IL22RA2: variants seen among roughly 807,000 people sequenced by gnomAD.
IL22RA2 encodes interleukin 22 receptor subunit alpha 2, also known as interleukin-22 receptor subunit alpha-2.
A neutral mutation model predicts 30.7 loss-of-function variants in IL22RA2; 39 were observed. The observed-to-expected ratio is 1.27, with a 90% CI of 0.98 to 1.66. IL22RA2 has a LOEUF of 1.66. Among genes scored for constraint, IL22RA2 ranks in the 40% most tolerant of loss-of-function variants. The pLI, the probability that IL22RA2 is intolerant of heterozygous loss-of-function variation, is 0.00. For missense variants in IL22RA2, 315 were observed against 312.7 expected, an observed-to-expected ratio of 1.01 and a Z score of -0.05; for synonymous variants, 103 against 105.0, an observed-to-expected ratio of 0.98 and a Z score of 0.11.
At position 137,156,937 on chromosome 6, in the gene IL22RA2, T is replaced by A. The variant is rs180706843; in HGVS notation, c.198-83A>T. 2,297 of 1,545,902 alleles carry A rather than the reference T, an allele frequency of 1.5e-3. 42 individuals carry two copies. In the South Asian group the frequency reaches 0.02, roughly 13 times the overall value. On this transcript the variant is annotated intron_variant, in intron 3 of 6. Transcript: ENST00000296980. ...CCTGGCTTTACAACAACCACTCTCA[T>A]AGAAACATTTCCATGACAAATTCAG...
At chr6:137,171,461 A>G (rs1186073558) in intron 1 of IL22RA2, among the ~76,000 whole-genome samples, 1 of 152,208 alleles carries the variant, frequency 6.6e-6, no homozygotes, top group East Asian at 1.9e-4. Flanking sequence ...TGAAAGTGCT[A>G]AAAGGAGAGG....
intron 4 of IL22RA2, among the ~76,000 whole-genome samples, chr6:137,155,993 A>G (rs1778398033): frequency 1.3e-5 from 2 of 152,082 alleles, no homozygotes; most frequent in Non-Finnish European, 2.9e-5. Context: ...ACCACTTTTC[A>G]TCTCAGGTGT....
chr6:137,156,831 C>A lies in IL22RA2; in HGVS notation c.221G>T (p.Ser74Ile). 1.2e-6 allele frequency: 2 copies of A among 1,613,664 alleles called. No individual in the cohort carries two copies. The highest frequency in any genetic ancestry group is 1.7e-6 in the Non-Finnish European group (2 of 1,179,634). ...YKIMFSCSMKSSHQKPSGCWQ... is the reference protein window; with the variant it reads ...YKIMFSCSMKISHQKPSGCWQ... ...GCATCCACTTGGCTTCTGGTGAGAG[C>A]TTTTCATGCTGCATGAGAACATGCT... Residue 74 changes from serine to isoleucine, a missense_variant, in exon 4 of 7, where the codon AGC (serine) becomes ATC (isoleucine). By Grantham distance (142) the Ser-to-Ile change is moderately radical. Transcript: ENST00000296980.
chr6:137,157,808 T>G (rs1048405437), intron 3 of IL22RA2, among the ~76,000 whole-genome samples: 1 of 152,092 alleles, frequency 6.6e-6, no homozygotes, highest in African/African-American at 2.4e-5. Context: ...AGGAGTAGCC[T>G]GAGGATCACA....
chr6:137,147,126 G>A (rs182721647), intron 6 of IL22RA2, among the ~76,000 whole-genome samples: 123 of 146,344 alleles, frequency 8.4e-4, no homozygotes, highest in African/African-American at 3.0e-3. Flanking sequence ...AAGGCTGGAG[G>A]ATTGGTTGAG....
Position 137,144,747 on chromosome 6 carries a change from A to C in IL22RA2, c.*877T>G, listed in dbSNP as rs577145891. The stretch of plus-strand genomic sequence containing the variant: ...CATGGGATCCTCCTATATAGAGATG[A>C]GGAAGGCGCCACAAGCAAGACACTC... On this transcript the variant is annotated 3_prime_UTR_variant, in exon 7 of 7. Transcript: ENST00000296980. 1 of 152,366 alleles carries C rather than the reference A, an allele frequency of 6.6e-6. No individual in the cohort carries two copies. Among genetic ancestry groups the C allele is most frequent in the South Asian group, 2.1e-4 (1 of 4,832 alleles). 9.4% of individuals were successfully genotyped at this position (152,366 alleles called of 1,614,324 possible). A position where few individuals can be genotyped will look rare whatever the true frequency, so the allele number is the denominator to read the frequency against.
chr6:137,160,046 G>C (rs190818831), intron 2 of IL22RA2, among the ~76,000 whole-genome samples: 1 of 152,274 alleles, frequency 6.6e-6, no homozygotes, highest in African/African-American at 2.4e-5. Flanking sequence ...TGTGTTCTTG[G>C]AAAGAGTCTA....
Position 137,173,407 on chromosome 6 carries a change from A to G in IL22RA2, c.-66+6T>C, listed in dbSNP as rs1417118832. 3 of 152,260 alleles carry G rather than the reference A, an allele frequency of 2.0e-5. No individual in the cohort carries two copies. Among genetic ancestry groups the G allele is most frequent in the Non-Finnish European group, 4.4e-5 (3 of 68,044 alleles). The allele number at this position is 152,260 out of a possible 1,614,324, so 9.4% of individuals were successfully genotyped here. On this transcript the variant is annotated splice_donor_region_variant and intron_variant, in intron 1 of 6. Coordinates refer to ENST00000296980, the MANE Select transcript of IL22RA2 (RefSeq NM_052962.3). ...ATAAATAAATAAATAAATAAAGTTT[A>G]CTTACCAGATGCTGTCTTCCTTTTG...
At chr6:137,154,916 G>A (rs779179447) in intron 5 of IL22RA2, 25 bp downstream of exon 5, 2 of 1,610,712 alleles carry the variant, frequency 1.2e-6, no homozygotes, top group Non-Finnish European at 8.5e-7. Context: ...GAAGAACAAG[G>A]GCAAAGAAAC....
chr6:137,157,461 A>T (rs1778429117), intron 3 of IL22RA2, among the ~76,000 whole-genome samples: 1 of 150,906 alleles, frequency 6.6e-6, no homozygotes, highest in Admixed American at 6.6e-5. Context: ...AAAGATGGAG[A>T]TGCTTCTGGG....
chr6:137,154,875 G>GC, intron 5 of IL22RA2, 66 bp downstream of exon 5: 1 of 1,385,804 alleles, frequency 7.2e-7, no homozygotes, highest in Non-Finnish European at 1.0e-6. Flanking sequence ...CTAGTCACTA[G>GC]CCGTGCTCCG....
intron 4 of IL22RA2, 148 bp from the exon 5 acceptor site, chr6:137,155,267 T>C (rs1287661839): frequency 2.0e-5 from 11 of 550,516 alleles, no homozygotes; most frequent in Non-Finnish European, 3.4e-5. Context: ...TTTAAAAAAA[T>C]TCCTTCTTAT....
In IL22RA2 at chr6:137,161,626, C is replaced by T. The variant is rs529849250; in HGVS notation, c.61+63G>A. The T allele has an allele frequency of 1.4e-5, 19 of 1,394,632 alleles. No homozygotes were observed. The African/African-American group carries it at 2.0e-4, about 15-fold the overall frequency. The allele number at this position is 1,394,632 out of a possible 1,614,324, so 86.4% of individuals were successfully genotyped here. A position where few individuals can be genotyped will look rare whatever the true frequency, so the allele number is the denominator to read the frequency against. On this transcript the variant is annotated intron_variant, in intron 2 of 6. Coordinates refer to ENST00000296980, the MANE Select transcript of IL22RA2 (RefSeq NM_052962.3). ...AAAAAAGCACCAGTGCCATTTCCAA[C>T]AGATCCTTGATTGGACTCAGATGAC... is the stretch of plus-strand genomic sequence containing the variant.
chr6:137,159,359 C>T (rs903758104), intron 2 of IL22RA2, among the ~76,000 whole-genome samples: 20 of 151,842 alleles, frequency 1.3e-4, no homozygotes, highest in South Asian at 1.0e-3. Flanking sequence ...TCACTCTTGT[C>T]GCCCTGGCTG....
chr6:137,147,531 G>T (rs1040781039), intron 6 of IL22RA2, among the ~76,000 whole-genome samples, 191 bp downstream of exon 6: 3 of 151,902 alleles, frequency 2.0e-5, no homozygotes, highest in Non-Finnish European at 4.4e-5. Context: ...GGATGGAAAG[G>T]GCACACACAC....
intron 2 of IL22RA2, among the ~76,000 whole-genome samples, chr6:137,159,424 G>A (rs545175746): frequency 1.1e-4 from 17 of 152,092 alleles, no homozygotes; most frequent in African/African-American, 2.9e-4. Flanking sequence ...GGATTCAAGC[G>A]ATTCTCCTGC....
intron 5 of IL22RA2, among the ~76,000 whole-genome samples, chr6:137,154,402 G>A (rs1287248488): frequency 6.6e-6 from 1 of 152,144 alleles, no homozygotes; most frequent in Non-Finnish European, 1.5e-5. Context: ...ATCACCTGAG[G>A]TCAGGAGTTT....
chr6:137,159,545 A>T (rs1306514314), intron 2 of IL22RA2, among the ~76,000 whole-genome samples: 1 of 151,900 alleles, frequency 6.6e-6, no homozygotes, highest in African/African-American at 2.4e-5. Flanking sequence ...CTGGTCTCGA[A>T]CTCCTGACCT....
chr6:137,173,374 T>C (rs1778782149), intron 1 of IL22RA2, 39 bp downstream of exon 1: 1 of 152,154 alleles, frequency 6.6e-6, no homozygotes, highest in African/African-American at 2.4e-5. Context: ...AGAGTCCATC[T>C]CAAAAAAATA....
Sources: allele counts gnomAD v4.1 joint callset (sites outside exome capture counted in the v4.1 genomes callset), GRCh38; gene constraint gnomAD v4.1.1; transcripts MANE v1.5; gene names NCBI Gene and HGNC (gene_info 2026-07-23, HGNC 2026-07-21).